Variants in JMY observed in about 807,000 individuals in gnomAD.
The protein encoded by JMY is junction-mediating and -regulatory protein.
Under a neutral mutation model 103.3 loss-of-function variants are expected in JMY, and 46 were observed. The ratio of observed to expected loss-of-function variants is 0.45; its 90% CI spans 0.35 to 0.57. JMY has a LOEUF of 0.57. Among genes scored for constraint, JMY ranks in the 20% least tolerant of loss-of-function variants. The pLI is 0.00. For synonymous variants in JMY, 526 were observed against 489.3 expected, an observed-to-expected ratio of 1.07 and a Z score of -0.99; for missense variants, 1,238 against 1,255.2, an observed-to-expected ratio of 0.99 and a Z score of 0.21.
chr5:79,301,400 A>T (rs1470187946), intron 6 of JMY, among the ~76,000 whole-genome samples: 1 of 152,206 alleles, frequency 6.6e-6, no homozygotes, highest in African/African-American at 2.4e-5. Flanking sequence ...TCTCCAACCT[A>T]GACCAAACTG....
intron 4 of JMY, among the ~76,000 whole-genome samples, chr5:79,294,318 C>T (rs201741596): frequency 2.0e-5 from 3 of 151,964 alleles, no homozygotes; most frequent in Non-Finnish European, 4.4e-5. Context: ...GCAGGAGAAT[C>T]GCTTGAACCT....
At position 79,317,353 on chromosome 5, in the gene JMY, T is replaced by C. The variant is rs1489687350; in HGVS notation, c.*3+1043T>C. Among the ~76,000 whole-genome samples the C allele has an allele frequency of 2.0e-5, 3 of 152,172 alleles. No homozygotes were observed. The East Asian group carries it at 5.8e-4, about 29-fold the overall frequency. On this transcript the variant is annotated intron_variant, in intron 10 of 10. Transcript: ENST00000396137. ...TATTAAGATTCTCTTTGGTTACACATGTAGCATTCTCCTAATATAATAGAG... is the reference window on the plus strand; with the variant it reads ...TATTAAGATTCTCTTTGGTTACACACGTAGCATTCTCCTAATATAATAGAG...
intron 6 of JMY, among the ~76,000 whole-genome samples, chr5:79,303,929 A>G (rs149816141): frequency 1.4e-4 from 22 of 152,254 alleles, no homozygotes; most frequent in African/African-American, 5.1e-4. Context: ...GAAACTGTAC[A>G]GGTGAGGGGT....
intron 1 of JMY, among the ~76,000 whole-genome samples, chr5:79,239,521 G>C (rs1199960484): frequency 6.6e-6 from 1 of 152,118 alleles, no homozygotes; most frequent in Non-Finnish European, 1.5e-5. Context: ...AAAAGCGACT[G>C]TCAGGCCGGT....
chr5:79,250,446 G>A (rs1185394796), intron 1 of JMY, among the ~76,000 whole-genome samples: 1 of 151,864 alleles, frequency 6.6e-6, no homozygotes, highest in East Asian at 1.9e-4. Context: ...ATTTTTTTCT[G>A]TATTTACCTT....
intron 4 of JMY, among the ~76,000 whole-genome samples, chr5:79,296,035 A>T (rs1257112471): frequency 1.3e-5 from 2 of 152,220 alleles, no homozygotes; most frequent in Non-Finnish European, 2.9e-5. Context: ...CTATAAGCCC[A>T]AAACCATTAT....
chr5:79,322,590 C>T lies in JMY; in HGVS notation c.*988C>T, dbSNP rs1037835695. The stretch of plus-strand genomic sequence containing the variant: ...AAGATAGAAAGTAGAGACAAGTCTC[C>T]GTGGCTGGCATTTCACCATCTTCAC... On this transcript the variant is annotated 3_prime_UTR_variant, in exon 11 of 11. Coordinates refer to ENST00000396137, the MANE Select transcript of JMY (RefSeq NM_152405.5). The T allele has an allele frequency of 6.6e-6, 1 of 152,124 alleles. No homozygotes were observed. Among genetic ancestry groups the T allele is most frequent in the Non-Finnish European group, 1.5e-5 (1 of 68,004 alleles). The allele number at this position is 152,124 out of a possible 1,614,324, so 9.4% of individuals were successfully genotyped here. A position where few individuals can be genotyped will look rare whatever the true frequency, so the allele number is the denominator to read the frequency against.
intron 6 of JMY, 94 bp from the exon 7 acceptor site, chr5:79,306,281 G>C: frequency 4.9e-6 from 4 of 810,882 alleles, no homozygotes; most frequent in Non-Finnish European, 8.4e-6. Flanking sequence ...TTGTTCTGTA[G>C]GTGGTATATA....
At chr5:79,255,533 T>C (rs1745214457) in intron 1 of JMY, among the ~76,000 whole-genome samples, 1 of 152,250 alleles carries the variant, frequency 6.6e-6, no homozygotes, top group Non-Finnish European at 1.5e-5. Context: ...GTTAGGTATT[T>C]ACTGTGATCT....
In JMY at chr5:79,280,786, T is replaced by C. The variant is rs969122180; in HGVS notation, c.1206+2703T>C. On this transcript the variant is annotated intron_variant, in intron 2 of 10. Coordinates refer to ENST00000396137, the MANE Select transcript of JMY (RefSeq NM_152405.5). The stretch of plus-strand genomic sequence containing the variant: ...ACTAATATTGGGATAATTATGTACT[T>C]GTTCACAGCTAATTTGTAAGTGGTA... 2.8e-4 allele frequency among the ~76,000 whole-genome samples: 43 copies of C among 152,132 alleles called. 1 individual carries two copies. Among genetic ancestry groups the C allele is most frequent in the Non-Finnish European group, 1.0e-4 (7 of 68,014 alleles).
intron 2 of JMY, 87 bp downstream of exon 2, chr5:79,278,170 TAAAA>T (rs56785564): frequency 1.8e-3 from 1,190 of 648,808 alleles, no homozygotes; most frequent in Middle Eastern, 3.0e-3. Context: ...AGAGGAACTT[TAAAA>T]AAAAAAAAAA....
Position 79,316,203 on chromosome 5 carries a change from C to T in JMY, c.2863C>T (p.Pro955Ser), listed in dbSNP as rs1747213028. 2 of 1,613,940 alleles carry T rather than the reference C, an allele frequency of 1.2e-6. No homozygotes were observed. ...CTTCACACTTCTACCCGATACAGACCCTCTAACACGGAGCATCCATGAAGC... is the reference window on the plus strand; with the variant it reads ...CTTCACACTTCTACCCGATACAGACTCTCTAACACGGAGCATCCATGAAGC... The part of the protein sequence containing the change: ...ESFTLLPDTD[P>S]LTRSIHEALR... Residue 955 changes from proline to serine, a missense_variant, in exon 10 of 11, where the codon CCT (proline) becomes TCT (serine). Physicochemically the swap from Pro to Ser is moderately conservative, Grantham distance 74. Coordinates refer to ENST00000396137, the MANE Select transcript of JMY (RefSeq NM_152405.5).
At chr5:79,289,965 C>T (rs1228652339) in intron 2 of JMY, among the ~76,000 whole-genome samples, 156 bp from the exon 3 acceptor site, 1 of 152,098 alleles carries the variant, frequency 6.6e-6, no homozygotes, top group Non-Finnish European at 1.5e-5. Context: ...CAAATATCTT[C>T]AGTATTATTG....
At chr5:79,300,595 A>C (rs906183363) in intron 5 of JMY, 81 bp from the exon 6 acceptor site, 18 of 1,122,346 alleles carry the variant, frequency 1.6e-5, no homozygotes, top group Non-Finnish European at 2.3e-5. Context: ...TTGCAGAGCC[A>C]GTAATGAGAT....
At chr5:79,294,268 G>T (rs946257911) in intron 4 of JMY, among the ~76,000 whole-genome samples, 2 of 152,082 alleles carry the variant, frequency 1.3e-5, no homozygotes, top group African/African-American at 4.8e-5. Flanking sequence ...AGCCAGGTGG[G>T]TGGCGTGCTC....
At chr5:79,275,466 T>G (rs905567539) in intron 1 of JMY, among the ~76,000 whole-genome samples, 2 of 152,174 alleles carry the variant, frequency 1.3e-5, no homozygotes, top group African/African-American at 4.8e-5. Context: ...TGGCAAGGGT[T>G]TCTGAGTTTT....
At chr5:79,252,025 C>A (rs1004053344) in intron 1 of JMY, among the ~76,000 whole-genome samples, 1 of 152,066 alleles carries the variant, frequency 6.6e-6, no homozygotes, top group African/African-American at 2.4e-5. Context: ...ATCTGCCTGC[C>A]TCGGCCTCTC....
At position 79,291,205 on chromosome 5, in the gene JMY, A is replaced by C; in HGVS notation, c.1433A>C (p.Glu478Ala). 6.2e-7 allele frequency: 1 copy of C among 1,613,614 alleles called. No individual in the cohort carries two copies. The highest frequency in any genetic ancestry group is 1.1e-5 in the South Asian group (1 of 90,862). The change falls in exon 4 of 11, where the codon GAA (glutamate) becomes GCA (alanine). Residue 478 changes from glutamate to alanine, a missense_variant. Physicochemically the swap from Glu to Ala is moderately radical, Grantham distance 107. Coordinates refer to ENST00000396137, the MANE Select transcript of JMY (RefSeq NM_152405.5). Reference sequence around the variant, plus strand: ...TGGGCAGCGGCTGCTGAACGGATGGAAAAACTCCAGTATGCAGTTTCTAAG... The same window carrying C: ...TGGGCAGCGGCTGCTGAACGGATGGCAAAACTCCAGTATGCAGTTTCTAAG... Reference protein sequence around the residue: ...ASWAAAAERMEKLQYAVSKET... With the variant: ...ASWAAAAERMAKLQYAVSKET...
At chr5:79,266,921 T>G (rs1745602479) in intron 1 of JMY, among the ~76,000 whole-genome samples, 1 of 152,210 alleles carries the variant, frequency 6.6e-6, no homozygotes, top group Non-Finnish European at 1.5e-5. Flanking sequence ...TTTGAATGAT[T>G]TCTTTGTTTT....
Sources: allele counts gnomAD v4.1 joint callset (sites outside exome capture counted in the v4.1 genomes callset), GRCh38; gene constraint gnomAD v4.1.1; transcripts MANE v1.5; gene names NCBI Gene and HGNC (gene_info 2026-07-23, HGNC 2026-07-21).